HS3ST4: variants seen among roughly 807,000 people sequenced by gnomAD.
HS3ST4 encodes the protein heparan sulfate glucosamine 3-O-sulfotransferase 4.
A neutral mutation model predicts 29.2 loss-of-function variants in HS3ST4; 17 were observed. The ratio of observed to expected loss-of-function variants is 0.58; its 90% CI spans 0.40 to 0.87. The LOEUF (loss-of-function observed/expected upper bound fraction) is 0.87. HS3ST4 is among the 40% of genes least tolerant of loss of function. The pLI, the probability that HS3ST4 is intolerant of heterozygous loss-of-function variation, is 0.00. For missense variants in HS3ST4, 627 were observed against 634.5 expected (o/e 0.99, Z 0.13); for synonymous variants, 314 against 285.7 (o/e 1.10, Z -1.00).
At chr16:26,000,444 T>C (rs1969202725) in intron 1 of HS3ST4, among the ~76,000 whole-genome samples, 1 of 152,156 alleles carries the variant, frequency 6.6e-6, no homozygotes, top group Admixed American at 6.6e-5. Flanking sequence ...AAGTCCAGGA[T>C]GGCCAAACTT....
intron 1 of HS3ST4, among the ~76,000 whole-genome samples, chr16:25,802,030 G>A (rs1966941549): frequency 6.7e-6 from 1 of 148,926 alleles, no homozygotes; most frequent in Non-Finnish European, 1.5e-5. Context: ...CTAGACACTG[G>A]GGACGAGCAG....
chr16:25,735,917 G>T (rs1475619445), intron 1 of HS3ST4, among the ~76,000 whole-genome samples: 1 of 152,140 alleles, frequency 6.6e-6, no homozygotes, highest in Non-Finnish European at 1.5e-5. Flanking sequence ...GTCCCCTAAA[G>T]GAAAATTGAG....
At chr16:25,774,761 G>T (rs1966846060) in intron 1 of HS3ST4, among the ~76,000 whole-genome samples, 1 of 152,194 alleles carries the variant, frequency 6.6e-6, no homozygotes, top group Non-Finnish European at 1.5e-5. Flanking sequence ...TCTGCATGCA[G>T]TACCTACATG....
At chr16:25,772,942 T>C (rs11074719) in intron 1 of HS3ST4, among the ~76,000 whole-genome samples, 104,649 of 152,056 alleles carry the variant, frequency 0.69, 36,389 homozygotes, top group Middle Eastern at 0.76. Context: ...CTCTGCTAGG[T>C]AGGTACCTTT....
At chr16:25,959,817 G>C (rs12925335) in intron 1 of HS3ST4, among the ~76,000 whole-genome samples, 71,779 of 151,748 alleles carry the variant, frequency 0.47, 17,278 homozygotes, top group African/African-American at 0.55. Flanking sequence ...AGTTCTTGCT[G>C]TATTAGTTCA....
chr16:25,851,923 T>A (rs1260522626), intron 1 of HS3ST4, among the ~76,000 whole-genome samples: 1 of 152,194 alleles, frequency 6.6e-6, no homozygotes, highest in African/African-American at 2.4e-5. Flanking sequence ...TGGCAGGTAG[T>A]TAAGGACTAT....
chr16:25,717,698 A>C (rs1047753478), intron 1 of HS3ST4, among the ~76,000 whole-genome samples: 4 of 152,142 alleles, frequency 2.6e-5, no homozygotes. Context: ...TGGAGAGGAA[A>C]GACATGCAAG....
At chr16:25,886,338 C>T (rs1288047726) in intron 1 of HS3ST4, among the ~76,000 whole-genome samples, 1 of 152,040 alleles carries the variant, frequency 6.6e-6, no homozygotes, top group African/African-American at 2.4e-5. Context: ...CAGCCCTTAC[C>T]GTGTATTTTA....
At chr16:25,816,052 A>T (rs900478463) in intron 1 of HS3ST4, among the ~76,000 whole-genome samples, 1 of 152,204 alleles carries the variant, frequency 6.6e-6, no homozygotes, top group African/African-American at 2.4e-5. Context: ...TAAAAATCTA[A>T]AGGAGAAATA....
intron 1 of HS3ST4, among the ~76,000 whole-genome samples, chr16:25,865,450 G>A (rs570827878): frequency 1.9e-4 from 29 of 152,108 alleles, no homozygotes; most frequent in African/African-American, 6.0e-4. Context: ...TTGGCCATTC[G>A]TATGTCTTCT....
intron 1 of HS3ST4, among the ~76,000 whole-genome samples, chr16:25,846,680 A>G (rs1047137803): frequency 6.6e-6 from 1 of 152,132 alleles, no homozygotes; most frequent in Non-Finnish European, 1.5e-5. Flanking sequence ...CATTCTTTCT[A>G]TAACAGAAAA....
At chr16:25,885,764 G>A (rs901338091) in intron 1 of HS3ST4, among the ~76,000 whole-genome samples, 2 of 151,724 alleles carry the variant, frequency 1.3e-5, no homozygotes, top group African/African-American at 4.8e-5. Flanking sequence ...TCTTTAGTTT[G>A]ACTCTGCACT....
At chr16:25,886,757 A>G (rs1289304798) in intron 1 of HS3ST4, 1 of 152,266 alleles carries the variant, frequency 6.6e-6, no homozygotes, top group Admixed American at 6.5e-5. Flanking sequence ...CTGGATCTGC[A>G]TTAAATGTCG....
chr16:25,780,880 C>T (rs1462468087), intron 1 of HS3ST4, among the ~76,000 whole-genome samples: 1 of 152,154 alleles, frequency 6.6e-6, no homozygotes, highest in Non-Finnish European at 1.5e-5. Flanking sequence ...TATATTTACT[C>T]AGTGGAGTTG....
chr16:25,794,062 G>C (rs1966876302), intron 1 of HS3ST4, among the ~76,000 whole-genome samples: 1 of 151,694 alleles, frequency 6.6e-6, no homozygotes, highest in Non-Finnish European at 1.5e-5. Context: ...TTTGATTCTT[G>C]GTGTTGTAAT....
chr16:25,736,677 C>G (rs1966612293), intron 1 of HS3ST4, among the ~76,000 whole-genome samples: 1 of 152,066 alleles, frequency 6.6e-6, no homozygotes, highest in Non-Finnish European at 1.5e-5. Context: ...TCCAGTATTC[C>G]AAAGATTTCC....
At chr16:25,956,318 C>T (rs1184424522) in intron 1 of HS3ST4, among the ~76,000 whole-genome samples, 1 of 152,194 alleles carries the variant, frequency 6.6e-6, no homozygotes, top group African/African-American at 2.4e-5. Flanking sequence ...ATTCATACTT[C>T]AAGGCTATAG....
At chr16:25,761,269 C>G (rs1008228857) in intron 1 of HS3ST4, among the ~76,000 whole-genome samples, 2 of 152,212 alleles carry the variant, frequency 1.3e-5, no homozygotes, top group East Asian at 3.8e-4. Context: ...TGGACCTGCC[C>G]TGCTCAATAG....
At chr16:25,971,325 T>C (rs1968894940) in intron 1 of HS3ST4, among the ~76,000 whole-genome samples, 1 of 152,224 alleles carries the variant, frequency 6.6e-6, no homozygotes, top group Non-Finnish European at 1.5e-5. Context: ...GCTTCAACCT[T>C]GCAGCTGGCA....
Sources: allele counts gnomAD v4.1 joint callset (sites outside exome capture counted in the v4.1 genomes callset), GRCh38; gene constraint gnomAD v4.1.1; transcripts MANE v1.5; gene names NCBI Gene and HGNC (gene_info 2026-07-23, HGNC 2026-07-21).